TENM1: variants seen among roughly 807,000 people sequenced by gnomAD.
TENM1 encodes teneurin-1.
TENM1 carries 35 observed loss-of-function variants against 174.8 expected under a neutral mutation model. That is an observed-to-expected ratio of 0.20 (90% CI 0.15 to 0.27). TENM1 has a LOEUF of 0.27. Ranked by LOEUF, TENM1 falls within the 10% of genes least tolerant of loss-of-function variation. TENM1 has a pLI of 1.00. For missense variants in TENM1, 1,633 were observed against 2,130.1 expected, an observed-to-expected ratio of 0.77 and a Z score of 4.59; for synonymous variants, 781 against 798.7, an observed-to-expected ratio of 0.98 and a Z score of 0.37.
chrX:124,940,869 T>C (rs1197424684), intron 1 of TENM1, among the ~76,000 whole-genome samples: 1 of 111,677 alleles, frequency 9.0e-6, no homozygotes, highest in Non-Finnish European at 1.9e-5. Flanking sequence ...ACCTCTCTTT[T>C]CTATCACTTA....
chrX:124,444,659 A>G (rs1221646815), intron 23 of TENM1, among the ~76,000 whole-genome samples: 1 of 110,603 alleles, frequency 9.0e-6, no homozygotes, highest in Admixed American at 9.6e-5. Context: ...TTTTTAAACA[A>G]TCAATGGGCA....
intron 6 of TENM1, among the ~76,000 whole-genome samples, chrX:124,657,936 T>C (rs1228855350): frequency 8.9e-6 from 1 of 112,310 alleles, no homozygotes; most frequent in Non-Finnish European, 1.9e-5. Flanking sequence ...TTAAAAGATA[T>C]TGGTGTGTTT....
chrX:124,382,559 T>C (rs1467436137), intron 31 of TENM1, 111 bp downstream of exon 34: 1 of 726,152 alleles, frequency 1.4e-6, no homozygotes, highest in Non-Finnish European at 2.0e-6. Context: ...TTTTAGTGAA[T>C]ATTCAAGAAG....
intron 3 of TENM1, among the ~76,000 whole-genome samples, chrX:124,809,958 G>T (rs972168460): frequency 1.8e-5 from 2 of 109,969 alleles, no homozygotes; most frequent in African/African-American, 6.6e-5. Flanking sequence ...GGAGAAGTCT[G>T]CCCCCATGAC....
chrX:124,851,209 T>C (rs1056877398), intron 3 of TENM1, among the ~76,000 whole-genome samples: 1 of 111,583 alleles, frequency 9.0e-6, no homozygotes, highest in Non-Finnish European at 1.9e-5. Context: ...GATCAGAGAC[T>C]GAGGTCAAGA....
chrX:125,108,785 CAT>C, the TENM1 span, among the ~76,000 whole-genome samples: 1 of 109,617 alleles, frequency 9.1e-6, no homozygotes, highest in African/African-American at 3.3e-5. Flanking sequence ...TATATATACA[CAT>C]ATATGTAGCA....
the TENM1 span, among the ~76,000 whole-genome samples, chrX:125,090,444 G>A: frequency 9.3e-6 from 1 of 107,130 alleles, no homozygotes. Flanking sequence ...CCAGGAGTTC[G>A]AGACCAGTCT....
chrX:124,573,638 T>G (rs1162060908), intron 11 of TENM1, among the ~76,000 whole-genome samples: 1 of 112,098 alleles, frequency 8.9e-6, no homozygotes, highest in African/African-American at 3.2e-5. Context: ...ACGAGTCGGA[T>G]AGGATTCAGC....
intron 23 of TENM1, among the ~76,000 whole-genome samples, chrX:124,429,981 G>A (rs1315730558): frequency 8.9e-6 from 1 of 111,781 alleles, no homozygotes; most frequent in Non-Finnish European, 1.9e-5. Context: ...TGTGTGTGTT[G>A]AGGAGTCTCC....
rs1436633841 is a variant in TENM1 at position 124,742,891 on chromosome X, CTT to C, written c.536-5696_536-5695del. ...AGATCTCTCAAGGCCAATTAGAAGT[CTT>C]TGGTTCCTGAGGTTGCTTTTCTGAG... On this transcript the variant is annotated intron_variant, in intron 3 of 31. Transcript: ENST00000422452. Among the ~76,000 whole-genome samples the C allele has an allele frequency of 5.4e-5, 6 of 111,225 alleles. No homozygotes were observed. In the Admixed American group the frequency reaches 5.8e-4, roughly 11 times the overall value.
rs184230972 is a variant in TENM1 at position 124,727,725 on chromosome X, G to A, written c.776+9232C>T. Among the ~76,000 whole-genome samples, 103 of 111,512 alleles carry A rather than the reference G, an allele frequency of 9.2e-4. 1 individual carries two copies. In the East Asian group the frequency reaches 0.028, roughly 30 times the overall value. On this transcript the variant is annotated intron_variant, in intron 4 of 31. Transcript: ENST00000422452. ...AATCATGATTGTGAGAAGCTAGAAA[G>A]GAATAAAGCCAGTGCCAGGGGATGG...
At chrX:124,588,357 A>C (rs2049611363) in intron 11 of TENM1, among the ~76,000 whole-genome samples, 1 of 112,054 alleles carries the variant, frequency 8.9e-6, no homozygotes, top group South Asian at 3.8e-4. Context: ...AATACTATGC[A>C]GCCATAAAAA....
intron 22 of TENM1, among the ~76,000 whole-genome samples, chrX:124,475,368 T>G (rs556285596): frequency 9.0e-6 from 1 of 111,524 alleles, no homozygotes; most frequent in East Asian, 2.8e-4. Flanking sequence ...TTGCCACATC[T>G]CCCCTTATAG....
chrX:124,937,505 C>T (rs182654498), intron 1 of TENM1, among the ~76,000 whole-genome samples: 78 of 111,493 alleles, frequency 7.0e-4, no homozygotes, highest in Non-Finnish European at 1.2e-3. Context: ...CATAACAAAA[C>T]TCATACTAAG....
At chrX:125,170,465 T>G in the TENM1 span, among the ~76,000 whole-genome samples, 1 of 111,653 alleles carries the variant, frequency 9.0e-6, no homozygotes, top group African/African-American at 3.2e-5. Flanking sequence ...TTCAGATGCA[T>G]ATTCAGGGGT....
At chrX:125,093,907 C>T in the TENM1 span, among the ~76,000 whole-genome samples, 48 of 112,274 alleles carry the variant, frequency 4.3e-4, 1 homozygote, top group Admixed American at 2.7e-3. Flanking sequence ...TTATAAGACA[C>T]ATGGGAGCAG....
intron 22 of TENM1, among the ~76,000 whole-genome samples, chrX:124,471,419 ATATAT>A (rs2061324020): frequency 1.0e-4 from 1 of 9,530 alleles, no homozygotes; most frequent in Non-Finnish European, 2.0e-4. Context: ...ATATATAGTA[ATATAT>A]TATATATTAT....
At chrX:124,787,977 G>A (rs757125942) in intron 3 of TENM1, among the ~76,000 whole-genome samples, 4 of 111,729 alleles carry the variant, frequency 3.6e-5, no homozygotes, top group Admixed American at 9.5e-5. Flanking sequence ...GCAAGGAGGA[G>A]CAAGTCACAT....
the TENM1 span, among the ~76,000 whole-genome samples, chrX:125,200,654 T>TGTGTGAGAGAGAGAGAGAGAGAGA: frequency 4.3e-5 from 4 of 92,420 alleles, no homozygotes; most frequent in African/African-American, 1.7e-4. Flanking sequence ...TGTGTGTGTG[T>TGTGTGAGAGAGAGAGAGAGAGAGA]GAGAGAGAGA....
Sources: allele counts gnomAD v4.1 joint callset (sites outside exome capture counted in the v4.1 genomes callset), GRCh38; gene constraint gnomAD v4.1.1; transcripts MANE v1.5; gene names NCBI Gene and HGNC (gene_info 2026-07-23, HGNC 2026-07-21).